ZNF704: variants seen among roughly 807,000 people sequenced by gnomAD.
ZNF704 encodes the protein glucocorticoid induced gene 1.
In ZNF704, 10 loss-of-function variants were observed where a neutral mutation model predicts 44.7. The observed-to-expected ratio is 0.22, with a 90% CI of 0.14 to 0.38. The LOEUF is 0.38. Among genes scored for constraint, ZNF704 ranks in the 10% least tolerant of loss-of-function variants. ZNF704 has a pLI of 1.00. For missense variants in ZNF704, 390 were observed against 545.5 expected (o/e 0.71, Z 2.84); for synonymous variants, 211 against 207.6 (o/e 1.02, Z -0.14).
At position 80,635,507 on chromosome 8, in the gene ZNF704, T is replaced by C. The variant is rs1025038431; in HGVS notation, c.*5859A>G. 4 of 152,236 alleles carry C rather than the reference T, an allele frequency of 2.6e-5. No individual in the cohort carries two copies. The highest frequency in any genetic ancestry group is 9.6e-5 in the African/African-American group (4 of 41,460). 9.4% of individuals were successfully genotyped at this position (152,236 alleles called of 1,614,324 possible). A position where few individuals can be genotyped will look rare whatever the true frequency, so the allele number is the denominator to read the frequency against. ...AGGACAAAATTATTTTAAACACTAC[T>C]GATCACCTAAGAATTCTATCTTTGG... On this transcript the variant is annotated 3_prime_UTR_variant, in exon 9 of 9. Transcript: ENST00000327835.
intron 7 of ZNF704, among the ~76,000 whole-genome samples, chr8:80,654,504 A>T (rs1817976275): frequency 6.6e-6 from 1 of 152,236 alleles, no homozygotes; most frequent in Admixed American, 6.5e-5. Context: ...GAAAAAAACA[A>T]ACAACCCCAT....
intron 2 of ZNF704, among the ~76,000 whole-genome samples, chr8:80,727,546 A>T (rs1457162397): frequency 6.6e-6 from 1 of 152,012 alleles, no homozygotes; most frequent in African/African-American, 2.4e-5. Flanking sequence ...TCGGGTTTTA[A>T]ATAATTCATC....
chr8:80,882,344 GT>G, the ZNF704 span, among the ~76,000 whole-genome samples: 1 of 152,206 alleles, frequency 6.6e-6, no homozygotes, highest in South Asian at 2.1e-4. Flanking sequence ...ATTTCATTTT[GT>G]TTTAATTTAT....
intron 3 of ZNF704, among the ~76,000 whole-genome samples, chr8:80,689,415 A>G (rs1233163582): frequency 6.6e-6 from 1 of 152,238 alleles, no homozygotes; most frequent in Non-Finnish European, 1.5e-5. Flanking sequence ...CTTTGCCAGC[A>G]TCAACAAAAC....
chr8:80,746,999 T>C (rs928095415), intron 2 of ZNF704, among the ~76,000 whole-genome samples: 2 of 152,136 alleles, frequency 1.3e-5, no homozygotes, highest in Non-Finnish European at 2.9e-5. Context: ...CATGGTGTAG[T>C]CCTGAATCCA....
At chr8:80,845,218 A>G (rs1808749272) in intron 1 of ZNF704, among the ~76,000 whole-genome samples, 1 of 152,202 alleles carries the variant, frequency 6.6e-6, no homozygotes, top group South Asian at 2.1e-4. Context: ...ACTCCCCTAG[A>G]GGTCCTTGCA....
chr8:80,848,817 G>A (rs180747191), intron 1 of ZNF704, among the ~76,000 whole-genome samples: 1 of 151,706 alleles, frequency 6.6e-6, no homozygotes, highest in Admixed American at 6.6e-5. Context: ...AAAAAAAAAA[G>A]AGATAGATAT....
At chr8:80,780,796 G>A (rs535692575) in intron 2 of ZNF704, among the ~76,000 whole-genome samples, 5 of 152,212 alleles carry the variant, frequency 3.3e-5, no homozygotes, top group South Asian at 2.1e-4. Flanking sequence ...ACCCCCAAGA[G>A]GGAGCACACC....
chr8:80,688,478 G>A (rs923167744), intron 3 of ZNF704, among the ~76,000 whole-genome samples: 1 of 152,084 alleles, frequency 6.6e-6, no homozygotes, highest in African/African-American at 2.4e-5. Context: ...TATAGATGAG[G>A]ACCCTGAGGC....
chr8:80,817,364 A>G (rs1040079688), intron 2 of ZNF704, among the ~76,000 whole-genome samples: 7 of 152,226 alleles, frequency 4.6e-5, no homozygotes, highest in South Asian at 2.1e-4. Flanking sequence ...CTCCCAGCAA[A>G]TGATGGAGTA....
intron 2 of ZNF704, among the ~76,000 whole-genome samples, chr8:80,755,429 T>C (rs1807019044): frequency 6.6e-6 from 1 of 152,162 alleles, no homozygotes; most frequent in South Asian, 2.1e-4. Context: ...CACTCCAGCC[T>C]GGGTGACTGA....
At chr8:80,712,188 G>A (rs1265811128) in intron 2 of ZNF704, among the ~76,000 whole-genome samples, 1 of 152,168 alleles carries the variant, frequency 6.6e-6, no homozygotes, top group Non-Finnish European at 1.5e-5. Flanking sequence ...AAAAGGACGA[G>A]TTTGGCCCTA....
chr8:80,678,989 A>G (rs1818410586), intron 4 of ZNF704, among the ~76,000 whole-genome samples: 1 of 152,098 alleles, frequency 6.6e-6, no homozygotes, highest in East Asian at 1.9e-4. Context: ...CAGTGGCTAC[A>G]TCTCTCCTCC....
At chr8:80,786,537 A>C (rs1807617035) in intron 2 of ZNF704, among the ~76,000 whole-genome samples, 1 of 152,252 alleles carries the variant, frequency 6.6e-6, no homozygotes, top group Admixed American at 6.5e-5. Flanking sequence ...GCCATGTAGA[A>C]GAGACAGTCT....
At chr8:80,812,503 G>A (rs535824792) in intron 2 of ZNF704, 1 of 152,938 alleles carries the variant, frequency 6.5e-6, no homozygotes, top group East Asian at 1.9e-4. Flanking sequence ...GGAGCATCTG[G>A]GCGCTGCTTC....
At chr8:80,751,066 A>G (rs1806934467) in intron 2 of ZNF704, among the ~76,000 whole-genome samples, 1 of 152,238 alleles carries the variant, frequency 6.6e-6, no homozygotes, top group South Asian at 2.1e-4. Context: ...CTGTGTTTTA[A>G]TAAAACAATG....
chr8:80,862,170 CT>C lies in ZNF704; in HGVS notation c.-22+12400del, dbSNP rs201505102. On this transcript the variant is annotated intron_variant, in intron 1 of 8. Transcript: ENST00000327835. ...AGGCACCCGCCACCACATCTGGCTA[CT>C]TTTTTGTAGAAAAAATGACTTTTTC... is the stretch of plus-strand genomic sequence containing the variant. 5.8e-3 allele frequency among the ~76,000 whole-genome samples: 876 copies of C among 151,404 alleles called. 6 individuals carry two copies. Among genetic ancestry groups the C allele is most frequent in the Middle Eastern group, 0.017 (5 of 290 alleles).
At chr8:80,751,883 G>T (rs1032375699) in intron 2 of ZNF704, among the ~76,000 whole-genome samples, 1 of 152,180 alleles carries the variant, frequency 6.6e-6, no homozygotes, top group African/African-American at 2.4e-5. Flanking sequence ...TGGGATTACA[G>T]GTGCCCACCA....
intron 2 of ZNF704, among the ~76,000 whole-genome samples, chr8:80,734,160 C>A (rs1011578759): frequency 2.0e-5 from 3 of 152,194 alleles, no homozygotes; most frequent in African/African-American, 7.2e-5. Flanking sequence ...GACTGTCAAG[C>A]AGTTTCCTGC....
Sources: gnomAD v4.1 joint callset for allele counts (sites outside exome capture counted in the v4.1 genomes callset) on GRCh38, gnomAD v4.1.1 for gene constraint, MANE v1.5 for transcripts, NCBI Gene and HGNC (gene_info 2026-07-23, HGNC 2026-07-21) for gene names.